USP33: variants seen among roughly 807,000 people sequenced by gnomAD.
USP33 encodes ubiquitin carboxyl-terminal hydrolase 33.
A neutral mutation model predicts 124.2 loss-of-function variants in USP33; 46 were observed. The observed-to-expected ratio is 0.37, with a 90% CI of 0.29 to 0.47. The LOEUF is 0.47. Ranked by LOEUF, USP33 falls within the 20% of genes least tolerant of loss-of-function variation. The pLI, the probability that USP33 is intolerant of heterozygous loss-of-function variation, is 0.99. For synonymous variants in USP33, 350 were observed against 352.3 expected (o/e 0.99, Z 0.07); for missense variants, 851 against 1,070.6 (o/e 0.79, Z 2.86).
intron 1 of USP33, among the ~76,000 whole-genome samples, chr1:77,751,540 C>G (rs564877849): frequency 1.4e-3 from 212 of 152,172 alleles, no homozygotes; most frequent in Middle Eastern, 3.4e-3. Context: ...CCCTGCAGTC[C>G]CAGCTATTCA....
intron 21 of USP33, among the ~76,000 whole-genome samples, chr1:77,710,295 C>G (rs1266401771): frequency 2.0e-5 from 3 of 152,226 alleles, no homozygotes; most frequent in Non-Finnish European, 2.9e-5. Flanking sequence ...ATGTGGTACC[C>G]TATTCCACTT....
chr1:77,733,389 C>A (rs1223251855), intron 7 of USP33, among the ~76,000 whole-genome samples: 6 of 146,918 alleles, frequency 4.1e-5, no homozygotes, highest in Non-Finnish European at 7.5e-5. Flanking sequence ...TGAGACCCAG[C>A]CTAAAAAAAA....
At chr1:77,757,923 A>G (rs540994798) in intron 1 of USP33, among the ~76,000 whole-genome samples, 1 of 152,340 alleles carries the variant, frequency 6.6e-6, no homozygotes, top group Admixed American at 6.5e-5. Flanking sequence ...TACTACATAA[A>G]TGTAAGAATT....
At chr1:77,738,766 C>T (rs989838841) in intron 5 of USP33, among the ~76,000 whole-genome samples, 3 of 152,198 alleles carry the variant, frequency 2.0e-5, no homozygotes, top group African/African-American at 7.2e-5. Flanking sequence ...AGGCGTGAGC[C>T]ACCGCACCCA....
At chr1:77,756,560 C>G (rs767731258) in intron 1 of USP33, among the ~76,000 whole-genome samples, 1 of 152,114 alleles carries the variant, frequency 6.6e-6, no homozygotes, top group Non-Finnish European at 1.5e-5. Flanking sequence ...GTTCTGGGAG[C>G]CTTTTAGATA....
intron 1 of USP33, chr1:77,746,281 G>A (rs943418664): frequency 6.6e-6 from 1 of 152,172 alleles, no homozygotes; most frequent in Non-Finnish European, 1.5e-5. Context: ...AGAAAATCTA[G>A]ACGAAATGGA....
chr1:77,730,560 T>C, intron 8 of USP33, 58 bp downstream of exon 8: 2 of 1,274,238 alleles, frequency 1.6e-6, no homozygotes, highest in Admixed American at 2.6e-5. Context: ...AACCTTTAAA[T>C]ATTTATAATA....
At position 77,758,119 on chromosome 1, in the gene USP33, C is replaced by T. The variant is rs185992579; in HGVS notation, c.-52+1524G>A. 5.3e-5 allele frequency among the ~76,000 whole-genome samples: 8 copies of T among 151,686 alleles called. No individual in the cohort carries two copies. The East Asian group carries it at 5.8e-4, about 11-fold the overall frequency. ...TAGGAAGCAATCTTAAGTAGACTAT[C>T]CCTCTTGCACATATCAGGTCAAATA... is the stretch of plus-strand genomic sequence containing the variant. On this transcript the variant is annotated intron_variant, in intron 1 of 23. Transcript: ENST00000370794.
intron 12 of USP33, among the ~76,000 whole-genome samples, chr1:77,722,642 C>T (rs1221373007): frequency 6.6e-6 from 1 of 151,978 alleles, no homozygotes; most frequent in African/African-American, 2.4e-5. Context: ...GATAATTCCA[C>T]TTAAATATTT....
intron 1 of USP33, chr1:77,759,229 C>G (rs1681091273): frequency 5.3e-6 from 1 of 189,360 alleles, no homozygotes; most frequent in African/African-American, 2.3e-5. Context: ...CGCCGAAAAG[C>G]GAAACCAGAA....
rs1480887389 is a variant in USP33 at position 77,711,757 on chromosome 1, A to T, written c.2396T>A (p.Ile799Asn). Reference protein sequence around the residue: ...IEKRRKTELEIFIRLNRAFQK... With the variant: ...IEKRRKTELENFIRLNRAFQK... Reference sequence around the variant, plus strand: ...GCATCACTTTTTTACCCGAATAAAAATTTCCAATTCAGTTTTTCTTCTTTT... The same window carrying T: ...GCATCACTTTTTTACCCGAATAAAATTTTCCAATTCAGTTTTTCTTCTTTT... The change falls in exon 21 of 24, where the codon ATT (isoleucine) becomes AAT (asparagine). Residue 799 changes from isoleucine (I) to asparagine (N), a missense_variant. Ile to Asn is a moderately radical substitution (Grantham distance 149, BLOSUM62 -3). Around this residue, in one of 4 missense-constraint regions of USP33, gnomAD observed 142 missense variants for 141.8 expected, o/e 1.00. Transcript: ENST00000370794. The T allele has an allele frequency of 6.2e-7, 1 of 1,607,172 alleles. No individual in the cohort carries two copies. The highest frequency in any genetic ancestry group is 1.1e-5 in the South Asian group (1 of 89,530).
At position 77,721,446 on chromosome 1, in the gene USP33, G is replaced by A. The variant is rs547642862; in HGVS notation, c.1658-241C>T. 1.1e-4 allele frequency: 63 copies of A among 565,074 alleles called. 1 individual carries two copies. The South Asian group carries it at 1.4e-3, about 12-fold the overall frequency. 35.0% of individuals were successfully genotyped at this position (565,074 alleles called of 1,614,324 possible). A position where few individuals can be genotyped will look rare whatever the true frequency, so the allele number is the denominator to read the frequency against. ...ATTTATTCATTGAACAAAACTTACT[G>A]ACTGCCTGTCATATGTCCAAGCAAG... On this transcript the variant is annotated intron_variant, in intron 14 of 23. Transcript: ENST00000370794.
intron 21 of USP33, among the ~76,000 whole-genome samples, chr1:77,705,736 G>A (rs1674554254): frequency 6.6e-6 from 1 of 151,796 alleles, no homozygotes; most frequent in Non-Finnish European, 1.5e-5. Context: ...ATGGTTTTCT[G>A]TAAATTTATA....
At chr1:77,743,078 G>T (rs190290153) in intron 1 of USP33, among the ~76,000 whole-genome samples, 65 of 152,060 alleles carry the variant, frequency 4.3e-4, no homozygotes, top group Non-Finnish European at 8.4e-4. Context: ...GAGTAGCTGG[G>T]ATTACAGGCA....
chr1:77,722,112 G>T lies in USP33; in HGVS notation c.1474C>A (p.His492Asn). 1.2e-6 allele frequency: 2 copies of T among 1,614,038 alleles called. No homozygotes were observed. Among genetic ancestry groups the T allele is most frequent in the South Asian group, 2.2e-5 (2 of 91,034 alleles). Residue 492 changes from histidine to asparagine, a missense_variant, in exon 13 of 24, where the codon CAT becomes AAT. Physicochemically the swap from His to Asn is moderately conservative, Grantham distance 68. Around this residue, in one of 4 missense-constraint regions of USP33, gnomAD observed 281 missense variants for 425.0 expected, o/e 0.66. Coordinates refer to ENST00000370794, the MANE Select transcript of USP33 (RefSeq NM_201624.3). ...CCTGCTTTGACTATAGAAGTTGGAT[G>T]ACTTGATGAATGCAGCTTAGCAAGG... ...EDLAKLHSSS[H>N]PTSIVKAGSC...
intron 20 of USP33, 81 bp downstream of exon 20, chr1:77,713,119 C>T (rs1675454824): frequency 3.7e-6 from 4 of 1,092,274 alleles, no homozygotes; most frequent in Admixed American, 4.6e-5. Context: ...GCACAAGGAG[C>T]ATCTCTGAAA....
intron 1 of USP33, chr1:77,745,362 T>G (rs914256083): frequency 6.6e-6 from 1 of 152,420 alleles, no homozygotes; most frequent in Non-Finnish European, 1.5e-5. Flanking sequence ...TGATGGGTCT[T>G]GACTTTTTAT....
At position 77,705,311 on chromosome 1, in the gene USP33, C is replaced by T. The variant is rs142400242; in HGVS notation, c.2407-3840G>A. Among the ~76,000 whole-genome samples the T allele has an allele frequency of 9.8e-3, 1,489 of 151,954 alleles. 21 individuals carry two copies. The highest frequency in any genetic ancestry group is 0.034 in the African/African-American group (1,419 of 41,434). ...CCCAATTCAAGCGATTCTCCTGCCT[C>T]GGCCTCCCTAGTAGCTGGGATTACA... is the stretch of plus-strand genomic sequence containing the variant. On this transcript the variant is annotated intron_variant, in intron 21 of 23. Coordinates refer to ENST00000370794, the MANE Select transcript of USP33 (RefSeq NM_201624.3).
intron 21 of USP33, among the ~76,000 whole-genome samples, chr1:77,706,403 T>C (rs1274880833): frequency 6.6e-6 from 1 of 152,182 alleles, no homozygotes; most frequent in Non-Finnish European, 1.5e-5. Context: ...ACTTACTGAG[T>C]TGTATGTTCT....
Sources: gnomAD v4.1 joint callset for allele counts (sites outside exome capture counted in the v4.1 genomes callset) on GRCh38, gnomAD v4.1.1 for gene constraint, gnomAD v4.1.1 regional missense constraint, MANE v1.5 for transcripts, NCBI Gene and HGNC (gene_info 2026-07-23, HGNC 2026-07-21) for gene names.